ATG7: variants seen among roughly 807,000 people sequenced by gnomAD.
ATG7 encodes the protein ubiquitin-like modifier-activating enzyme ATG7.
A neutral mutation model predicts 82.4 loss-of-function variants in ATG7; 70 were observed. The ratio of observed to expected loss-of-function variants is 0.85; its 90% CI spans 0.70 to 1.04. ATG7 has a LOEUF of 1.04. ATG7 is among the 50% of genes least tolerant of loss of function. The pLI is 0.00. For missense variants in ATG7, 792 were observed against 864.3 expected, an observed-to-expected ratio of 0.92 and a Z score of 1.05; for synonymous variants, 287 against 313.0, an observed-to-expected ratio of 0.92 and a Z score of 0.88.
chr3:11,460,804 C>T (rs1201870423), intron 20 of ATG7, among the ~76,000 whole-genome samples: 2 of 152,182 alleles, frequency 1.3e-5, no homozygotes, highest in African/African-American at 4.8e-5. Flanking sequence ...ACAAAAGAGT[C>T]ACTGTCTATG....
chr3:11,508,877 G>A (rs1487180341), intron 20 of ATG7, among the ~76,000 whole-genome samples: 2 of 152,162 alleles, frequency 1.3e-5, no homozygotes, highest in Non-Finnish European at 2.9e-5. Context: ...TCGGTACAAC[G>A]TGATCTGCAC....
At chr3:11,564,643 A>G in the ATG7 span, 2 of 841,930 alleles carry the variant, frequency 2.4e-6, no homozygotes, top group Non-Finnish European at 3.6e-6. Context: ...CCAAGTGCAC[A>G]ACAGAGGCGA....
At chr3:11,419,470 C>T (rs1370122758) in intron 19 of ATG7, among the ~76,000 whole-genome samples, 1 of 152,142 alleles carries the variant, frequency 6.6e-6, no homozygotes, top group African/African-American at 2.4e-5. Flanking sequence ...AGGAGAATTG[C>T]TTGAACCCAG....
chr3:11,383,425 A>G (rs2078067202), intron 19 of ATG7, among the ~76,000 whole-genome samples: 1 of 152,146 alleles, frequency 6.6e-6, no homozygotes, highest in East Asian at 1.9e-4. Context: ...CAGGAGTTAT[A>G]TAATATATTA....
At chr3:11,401,273 A>C (rs2079809861) in intron 19 of ATG7, among the ~76,000 whole-genome samples, 1 of 152,234 alleles carries the variant, frequency 6.6e-6, no homozygotes, top group Non-Finnish European at 1.5e-5. Context: ...CTTTTTTTGT[A>C]GAATGACTTT....
At chr3:11,548,565 G>A (rs1378657510) in intron 20 of ATG7, among the ~76,000 whole-genome samples, 1 of 152,050 alleles carries the variant, frequency 6.6e-6, no homozygotes, top group Non-Finnish European at 1.5e-5. Context: ...TCCTTTTATC[G>A]TTCCTGTGTT....
At chr3:11,432,470 G>A (rs1008476615) in intron 20 of ATG7, among the ~76,000 whole-genome samples, 6 of 151,846 alleles carry the variant, frequency 4.0e-5, no homozygotes, top group Non-Finnish European at 8.8e-5. Flanking sequence ...GCATAAGAAT[G>A]ATATAATGGA....
intron 12 of ATG7, among the ~76,000 whole-genome samples, chr3:11,341,338 G>C (rs1189300158): frequency 6.6e-6 from 1 of 152,114 alleles, no homozygotes; most frequent in Non-Finnish European, 1.5e-5. Flanking sequence ...GGGATTACAG[G>C]CATGAGCCAC....
chr3:11,293,595 C>G lies in ATG7; in HGVS notation c.-10-5091C>G, dbSNP rs138937635. On this transcript the variant is annotated intron_variant, in intron 3 of 20. Coordinates refer to ENST00000693202, the MANE Select transcript of ATG7 (RefSeq NM_001349232.2). ...GGGCGGGGTGGCTCACATCTGTAAT[C>G]CCAGCACTTTGGTACATCAAGGCAG... 1.8e-3 allele frequency among the ~76,000 whole-genome samples: 273 copies of G among 151,278 alleles called. 7 individuals are homozygous for G. The highest frequency in any genetic ancestry group is 0.013 in the Admixed American group (195 of 15,166).
intron 20 of ATG7, among the ~76,000 whole-genome samples, chr3:11,483,195 C>A (rs1483025075): frequency 1.3e-5 from 2 of 152,156 alleles, no homozygotes; most frequent in South Asian, 2.1e-4. Flanking sequence ...TCCCCCTGCC[C>A]CTAACCCAGG....
intron 20 of ATG7, among the ~76,000 whole-genome samples, chr3:11,538,709 AG>A (rs2070553884): frequency 1.9e-5 from 2 of 102,680 alleles, no homozygotes; most frequent in Non-Finnish European, 3.8e-5. Flanking sequence ...AAAAAAAATT[AG>A]CCAAAAAAAA....
rs577029612 is a variant in ATG7, at chr3:11,476,859, C to T, written c.2079+49933C>T. On this transcript the variant is annotated intron_variant, in intron 20 of 20. Transcript: ENST00000693202. ...GTAACTTTTGATCAAAACATGACTC[C>T]ACTCCCTTGTTTAATGTTGAGCATC... is the stretch of plus-strand genomic sequence containing the variant. Among the ~76,000 whole-genome samples, 48 of 152,180 alleles carry T rather than the reference C, an allele frequency of 3.2e-4. 2 individuals carry two copies. In the Middle Eastern group the frequency reaches 0.02, roughly 65 times the overall value.
At chr3:11,320,991 C>T (rs939639004) in intron 9 of ATG7, among the ~76,000 whole-genome samples, 3 of 152,220 alleles carry the variant, frequency 2.0e-5, no homozygotes, top group African/African-American at 7.2e-5. Flanking sequence ...ACTGGCGTGA[C>T]AGGAGACAGA....
intron 10 of ATG7, 61 bp downstream of exon 10, chr3:11,331,489 G>A (rs544659063): frequency 6.3e-5 from 84 of 1,324,608 alleles, no homozygotes; most frequent in Non-Finnish European, 8.8e-5. Flanking sequence ...GTTTTACAAT[G>A]TGTCTGTTTC....
At chr3:11,440,323 CTTTTTTTT>C (rs59365367) in intron 20 of ATG7, among the ~76,000 whole-genome samples, 10 of 113,846 alleles carry the variant, frequency 8.8e-5, no homozygotes, top group Admixed American at 2.1e-4. Context: ...GGCCTTTACT[CTTTTTTTT>C]TTTTTTTTTT....
Position 11,538,054 on chromosome 3 carries a change from C to G in ATG7, c.2080-16757C>G, listed in dbSNP as rs144894309. The stretch of plus-strand genomic sequence containing the variant: ...TCCCAGTGTGGGATTCCAGATGACC[C>G]CTGTTGTCCAGCTGGCTAGGAGATA... On this transcript the variant is annotated intron_variant, in intron 20 of 20. Transcript: ENST00000693202. Among the ~76,000 whole-genome samples the G allele has an allele frequency of 3.6e-4, 54 of 148,542 alleles. No individual in the cohort carries two copies. In the East Asian group the frequency reaches 0.01, roughly 28 times the overall value.
intron 14 of ATG7, among the ~76,000 whole-genome samples, chr3:11,357,017 T>C (rs896570185): frequency 6.6e-6 from 1 of 152,316 alleles, no homozygotes; most frequent in East Asian, 1.9e-4. Context: ...GAGATTAGGT[T>C]TAAAGTTGAA....
chr3:11,420,804 G>T (rs551860449), intron 19 of ATG7, among the ~76,000 whole-genome samples: 35 of 142,968 alleles, frequency 2.4e-4, no homozygotes, highest in South Asian at 1.8e-3. Context: ...TGCCCAGGCT[G>T]GAGTGCAATG....
chr3:11,478,802 T>C (rs1027131667), intron 20 of ATG7, among the ~76,000 whole-genome samples: 1 of 152,102 alleles, frequency 6.6e-6, no homozygotes, highest in Non-Finnish European at 1.5e-5. Context: ...CAATTGAATG[T>C]GCAAGCCCAA....
Sources: allele counts gnomAD v4.1 joint callset (sites outside exome capture counted in the v4.1 genomes callset), GRCh38; gene constraint gnomAD v4.1.1; transcripts MANE v1.5; gene names NCBI Gene and HGNC (gene_info 2026-07-23, HGNC 2026-07-21).